The following ZDBF2 variants were observed in gnomAD, a reference collection of about 807,000 sequenced individuals.
The protein encoded by ZDBF2 is zinc finger DBF-type containing 2.
Under a neutral mutation model 9.4 loss-of-function variants are expected in ZDBF2, and 6 were observed. The ratio of observed to expected loss-of-function variants is 0.64; its 90% CI spans 0.35 to 1.27. ZDBF2 has a LOEUF of 1.27. Ranked by LOEUF, ZDBF2 falls within the 50% of genes most tolerant of loss-of-function variation. The pLI is 0.03. For synonymous variants in ZDBF2, 905 were observed against 946.3 expected, an observed-to-expected ratio of 0.96 and a Z score of 0.80; for missense variants, 2,697 against 2,766.8, an observed-to-expected ratio of 0.97 and a Z score of 0.57.
intron 1 of ZDBF2, among the ~76,000 whole-genome samples, chr2:206,277,927 T>C (rs1290669461): frequency 6.6e-6 from 1 of 152,106 alleles, no homozygotes; most frequent in African/African-American, 2.4e-5. Flanking sequence ...GACAGGGCTT[T>C]TATCTACACT....
intron 4 of ZDBF2, among the ~76,000 whole-genome samples, chr2:206,299,845 C>T (rs1175151169): frequency 3.3e-5 from 5 of 151,892 alleles, no homozygotes; most frequent in Admixed American, 2.0e-4. Context: ...CAGTGGCTCA[C>T]GCCTGTAATC....
At position 206,307,566 on chromosome 2, in the gene ZDBF2, A is replaced by G; in HGVS notation, c.3038A>G (p.Glu1013Gly). 6.2e-7 allele frequency: 1 copy of G among 1,613,766 alleles called. No individual in the cohort carries two copies. The highest frequency in any genetic ancestry group is 8.5e-7 in the Non-Finnish European group (1 of 1,179,750). The change falls in exon 5 of 5, where the codon GAA becomes GGA. Residue 1013 changes from glutamate to glycine, a missense_variant. By Grantham distance (98) the Glu-to-Gly change is moderately conservative. Coordinates refer to ENST00000374423, the MANE Select transcript of ZDBF2 (RefSeq NM_020923.3). Reference sequence around the variant, plus strand: ...GGTGTCCCTCATTATTCAGTAACTGAACCTCAAGTAGCTGTTAACAAAATA... The same window carrying G: ...GGTGTCCCTCATTATTCAGTAACTGGACCTCAAGTAGCTGTTAACAAAATA... ...DSGVPHYSVTEPQVAVNKINR... is the reference protein window; with the variant it reads ...DSGVPHYSVTGPQVAVNKINR...
In ZDBF2 at chr2:206,311,436, G is replaced by A. The variant is rs762610627; in HGVS notation, c.6908G>A (p.Arg2303Lys). 6.2e-7 allele frequency: 1 copy of A among 1,611,624 alleles called. No individual in the cohort carries two copies. The highest frequency in any genetic ancestry group is 1.1e-5 in the South Asian group (1 of 90,564). Residue 2303 changes from arginine (R) to lysine (K), a missense_variant, in exon 5 of 5, where the codon AGA becomes AAA. Arg to Lys is a conservative substitution (Grantham distance 26). This residue lies in a region of ZDBF2 where 1,783 missense variants were observed against 1,776.5 expected (regional missense o/e 1.00). Transcript: ENST00000374423. ...RPVRASCRVA[R>K]RRKKTDESYH... is the part of the protein sequence containing the mutation. ...GTGCGGGCTTCTTGCCGCGTTGCAA[G>A]AAGGAGGAAGAAGACTGATGAAAGC...
At chr2:206,289,188 G>A (rs566777841) in intron 3 of ZDBF2, among the ~76,000 whole-genome samples, 3 of 152,208 alleles carry the variant, frequency 2.0e-5, no homozygotes, top group Non-Finnish European at 4.4e-5. Flanking sequence ...TTTCCCCAGG[G>A]GGCAATGTGC....
At position 206,312,341 on chromosome 2, in the gene ZDBF2, C is replaced by G. The variant is rs969715136; in HGVS notation, c.*748C>G. 2 of 152,030 alleles carry G rather than the reference C, an allele frequency of 1.3e-5. No homozygotes were observed. Among genetic ancestry groups the G allele is most frequent in the Admixed American group, 1.3e-4 (2 of 15,250 alleles). The allele number at this position is 152,030 out of a possible 1,614,324, so 9.4% of individuals were successfully genotyped here. On this transcript the variant is annotated 3_prime_UTR_variant, in exon 5 of 5. Transcript: ENST00000374423. ...AGAGTTGGTGGCTTAATATGAAAAT[C>G]CAGGTTATTTTGTGGCCTTATCCCC...
At chr2:206,286,983 C>T (rs543459265) in intron 3 of ZDBF2, among the ~76,000 whole-genome samples, 7 of 152,220 alleles carry the variant, frequency 4.6e-5, no homozygotes, top group African/African-American at 1.7e-4. Context: ...TCTGACATGG[C>T]CTATAAGCAG....
Position 206,295,714 on chromosome 2 carries a change from A to C in ZDBF2, c.61-1532A>C, listed in dbSNP as rs76762519. The stretch of plus-strand genomic sequence containing the variant: ...TTTTGTGCCTTAGTCTTTTCGTGCT[A>C]AATGGGGACGATATTCTTACTCAGT... On this transcript the variant is annotated intron_variant, in intron 3 of 4. Transcript: ENST00000374423. Among the ~76,000 whole-genome samples the C allele has an allele frequency of 5.4e-3, 825 of 152,120 alleles. 24 individuals carry two copies. The East Asian group carries it at 0.093, about 17-fold the overall frequency.
chr2:206,289,996 C>A (rs1691805306), intron 3 of ZDBF2, among the ~76,000 whole-genome samples: 1 of 152,170 alleles, frequency 6.6e-6, no homozygotes, highest in Admixed American at 6.5e-5. Context: ...CATTGCCCTT[C>A]TTCAGTTGTT....
chr2:206,309,524 A>C lies in ZDBF2; in HGVS notation c.4996A>C (p.Lys1666Gln). Residue 1666 changes from lysine (K) to glutamine (Q), a missense_variant, in exon 5 of 5, where the codon AAA becomes CAA. Coordinates refer to ENST00000374423, the MANE Select transcript of ZDBF2 (RefSeq NM_020923.3). ...KSCGYNGSKGKFNLEDTSHRT... is the reference protein window; with the variant it reads ...KSCGYNGSKGQFNLEDTSHRT... ...CTGTGGATATAATGGTTCTAAAGGA[A>C]AATTTAATTTGGAAGACACTTCTCA... 6.2e-7 allele frequency: 1 copy of C among 1,614,002 alleles called. No homozygotes were observed. The highest frequency in any genetic ancestry group is 1.1e-5 in the South Asian group (1 of 91,078).
Position 206,274,952 on chromosome 2 carries a change from T to C in ZDBF2, c.-103+6T>C, listed in dbSNP as rs1206867729. The C allele has an allele frequency of 3.3e-5, 5 of 150,040 alleles. No homozygotes were observed. Among genetic ancestry groups the C allele is most frequent in the Non-Finnish European group, 5.9e-5 (4 of 67,440 alleles). 9.3% of individuals were successfully genotyped at this position (150,040 alleles called of 1,614,324 possible). ...TCCGGGCAGCCTCCGCGGAGGTGAG[T>C]GCCGCGGCGGGGGCGGGGCGCGGCC... On this transcript the variant is annotated splice_donor_region_variant and intron_variant, in intron 1 of 4. Transcript: ENST00000374423.
chr2:206,281,404 A>G (rs1277137700), intron 2 of ZDBF2, among the ~76,000 whole-genome samples: 1 of 152,202 alleles, frequency 6.6e-6, no homozygotes, highest in African/African-American at 2.4e-5. Flanking sequence ...TTGTCAAATA[A>G]TCTGGGGTTT....
Position 206,309,655 on chromosome 2 carries a change from A to G in ZDBF2, c.5127A>G (p.Ala1709=). The G allele has an allele frequency of 6.8e-6, 11 of 1,613,954 alleles. No individual in the cohort carries two copies. Among genetic ancestry groups the G allele is most frequent in the Non-Finnish European group, 9.3e-6 (11 of 1,179,888 alleles). Residue 1709 remains alanine (A), a synonymous_variant, in exon 5 of 5, where the codon GCA becomes GCG. Coordinates refer to ENST00000374423, the MANE Select transcript of ZDBF2 (RefSeq NM_020923.3). ...AGAGCTGTCAGTCTAGTGCTTCTGC[A>G]GTGGATTTTGGTGCCTCTTCCAAGT... ...KGKSCQSSAS[A]VDFGASSKSA...
chr2:206,274,975 GC>G (rs1426485469), intron 1 of ZDBF2, 29 bp downstream of exon 1: 1 of 149,760 alleles, frequency 6.7e-6, no homozygotes, highest in African/African-American at 2.4e-5. Flanking sequence ...GCGGGGCGCG[GC>G]CGGGGCGACG....
In ZDBF2 at chr2:206,309,292, C is replaced by A; in HGVS notation, c.4764C>A (p.Ala1588=). ...CTGAAGTCAGATGTAATTGTAAAGC[C>A]TCTACTCCCTCAATGACAAACCAAT... ...FGSEVRCNCK[A]STPSMTNQCK... The change falls in exon 5 of 5, where the codon GCC becomes GCA. Residue 1588 remains alanine (A), a synonymous_variant. Transcript: ENST00000374423. 6.2e-7 allele frequency: 1 copy of A among 1,612,132 alleles called. No individual in the cohort carries two copies. Among genetic ancestry groups the A allele is most frequent in the East Asian group, 2.2e-5 (1 of 44,840 alleles).
chr2:206,277,474 A>G (rs1205086005), intron 1 of ZDBF2, among the ~76,000 whole-genome samples: 1 of 152,072 alleles, frequency 6.6e-6, no homozygotes, highest in Non-Finnish European at 1.5e-5. Context: ...GAACATAGTC[A>G]TTTTTTAAAA....
rs1355919398 is a variant in ZDBF2 at position 206,307,440 on chromosome 2, C to A, written c.2912C>A (p.Pro971His). ...DVPLQAATHKPEVIVKETWLQ... is the reference protein window; with the variant it reads ...DVPLQAATHKHEVIVKETWLQ... ...CCTCTTCAGGCAGCGACTCACAAACCTGAAGTAATTGTCAAAGAAACATGG... is the reference window on the plus strand; with the variant it reads ...CCTCTTCAGGCAGCGACTCACAAACATGAAGTAATTGTCAAAGAAACATGG... Residue 971 changes from proline (P) to histidine (H), a missense_variant, in exon 5 of 5, where the codon CCT becomes CAT. By Grantham distance (77) the Pro-to-His change is moderately conservative. Coordinates refer to ENST00000374423, the MANE Select transcript of ZDBF2 (RefSeq NM_020923.3). 11 of 1,611,768 alleles carry A rather than the reference C, an allele frequency of 6.8e-6. No homozygotes were observed. The highest frequency in any genetic ancestry group is 9.3e-6 in the Non-Finnish European group (11 of 1,179,342).
Position 206,305,543 on chromosome 2 carries a change from T to A in ZDBF2, c.1015T>A (p.Cys339Ser), listed in dbSNP as rs1334818452. 3.7e-6 allele frequency: 6 copies of A among 1,613,748 alleles called. No homozygotes were observed. The South Asian group carries it at 6.6e-5, about 18-fold the overall frequency. Reference protein sequence around the residue: ...NHEEFFSNMDCTQEEKHLVFN... With the variant: ...NHEEFFSNMDSTQEEKHLVFN... Reference sequence around the variant, plus strand: ...TGAGGAATTCTTTTCTAACATGGATTGTACCCAAGAAGAAAAGCATTTGGT... The same window carrying A: ...TGAGGAATTCTTTTCTAACATGGATAGTACCCAAGAAGAAAAGCATTTGGT... The change falls in exon 5 of 5, where the codon TGT becomes AGT. Residue 339 changes from cysteine (C) to serine (S), a missense_variant. Physicochemically the swap from Cys to Ser is moderately radical, Grantham distance 112 (BLOSUM62 -1). Around this residue, in one of 3 missense-constraint regions of ZDBF2, gnomAD observed 910 missense variants for 973.6 expected, o/e 0.93. Coordinates refer to ENST00000374423, the MANE Select transcript of ZDBF2 (RefSeq NM_020923.3).
intron 4 of ZDBF2, among the ~76,000 whole-genome samples, chr2:206,303,303 T>C (rs1038340165): frequency 6.6e-6 from 1 of 152,040 alleles, no homozygotes; most frequent in African/African-American, 2.4e-5. Context: ...TTTATGTGTC[T>C]GCCTTCTGCA....
chr2:206,305,886 AT>A lies in ZDBF2; in HGVS notation c.1360del (p.Cys454ValfsTer14). The A allele has an allele frequency of 6.2e-7, 1 of 1,613,322 alleles. No homozygotes were observed. Among genetic ancestry groups the A allele is most frequent in the Non-Finnish European group, 8.5e-7 (1 of 1,179,604 alleles). On this transcript the variant is annotated frameshift_variant, in exon 5 of 5. Transcript: ENST00000374423. LOFTEE classifies it low-confidence loss of function (END_TRUNC). The part of the protein sequence containing the change: ...NKSYVSKISS[D>X]CDDILHLVTN... ...TCTTATGTTTCTAAAATAAGTTCTG[AT>A]TGTGATGACATTCTTCACTTGGTTA...
Sources: allele counts gnomAD v4.1 joint callset (sites outside exome capture counted in the v4.1 genomes callset), GRCh38; gene constraint gnomAD v4.1.1; regional missense constraint gnomAD v4.1.1; transcripts MANE v1.5; gene names NCBI Gene and HGNC (gene_info 2026-07-23, HGNC 2026-07-21).